GALNT17: variants seen among roughly 807,000 people sequenced by gnomAD.
GALNT17 encodes polypeptide N-acetylgalactosaminyltransferase 17, also known as UDP-GalNAc:polypeptide N-acetylgalactosaminyltransferase-like 3.
GALNT17 carries 29 observed loss-of-function variants against 63.7 expected under a neutral mutation model. That is an observed-to-expected ratio of 0.46 (90% CI 0.34 to 0.62). The LOEUF (loss-of-function observed/expected upper bound fraction) is 0.62. GALNT17 is among the 20% of genes least tolerant of loss of function. GALNT17 has a pLI of 0.01. For synonymous variants in GALNT17, 305 were observed against 318.3 expected (o/e 0.96, Z 0.45); for missense variants, 603 against 799.6 (o/e 0.75, Z 2.97).
At chr7:71,440,937 T>C (rs1787055122) in intron 5 of GALNT17, among the ~76,000 whole-genome samples, 1 of 152,162 alleles carries the variant, frequency 6.6e-6, no homozygotes, top group Non-Finnish European at 1.5e-5. Context: ...TTTCTCCTCT[T>C]GTTTATGGAA....
At chr7:71,430,790 C>T (rs1786847420) in intron 5 of GALNT17, among the ~76,000 whole-genome samples, 1 of 151,836 alleles carries the variant, frequency 6.6e-6, no homozygotes, top group Admixed American at 6.6e-5. Context: ...TTTTTTCCTC[C>T]CTAAAGGAAT....
At chr7:71,634,824 A>G (rs1790506448) in intron 6 of GALNT17, among the ~76,000 whole-genome samples, 1 of 152,062 alleles carries the variant, frequency 6.6e-6, no homozygotes, top group Admixed American at 6.6e-5. Context: ...AGGCTGGACA[A>G]CTCGAAGCAG....
chr7:71,591,260 T>C (rs1351761898), intron 6 of GALNT17, among the ~76,000 whole-genome samples: 1 of 152,142 alleles, frequency 6.6e-6, no homozygotes, highest in African/African-American at 2.4e-5. Flanking sequence ...TTCACCATGT[T>C]GGCCAGGCTG....
chr7:71,205,084 G>T (rs1183550256), intron 1 of GALNT17, among the ~76,000 whole-genome samples: 1 of 150,642 alleles, frequency 6.6e-6, no homozygotes, highest in African/African-American at 2.4e-5. Context: ...TCAGTGTACA[G>T]ATCTTTTGTT....
At chr7:71,497,246 A>G (rs1788111243) in intron 5 of GALNT17, among the ~76,000 whole-genome samples, 1 of 152,350 alleles carries the variant, frequency 6.6e-6, no homozygotes, top group Non-Finnish European at 1.5e-5. Flanking sequence ...TAATGCTGCC[A>G]TAACACACAT....
In GALNT17 at chr7:71,145,298, G is replaced by A. The variant is rs149767263; in HGVS notation, c.238+12258G>A. 8.3e-4 allele frequency among the ~76,000 whole-genome samples: 127 copies of A among 152,176 alleles called. 2 individuals carry two copies. The East Asian group carries it at 0.018, about 21-fold the overall frequency. ...GGAATTATAATCTTGTAATAGGATC[G>A]CAGCCTGGCAACAAAGCGAGACTCC... is the stretch of plus-strand genomic sequence containing the variant. On this transcript the variant is annotated intron_variant, in intron 1 of 10. Coordinates refer to ENST00000333538, the MANE Select transcript of GALNT17 (RefSeq NM_022479.3).
At chr7:71,175,218 C>T (rs888832416) in intron 1 of GALNT17, among the ~76,000 whole-genome samples, 2 of 152,092 alleles carry the variant, frequency 1.3e-5, no homozygotes, top group African/African-American at 4.8e-5. Context: ...CCATCCATCC[C>T]TCCATCACTG....
At chr7:71,291,360 A>G (rs1790976746) in intron 1 of GALNT17, among the ~76,000 whole-genome samples, 2 of 152,152 alleles carry the variant, frequency 1.3e-5, no homozygotes, top group South Asian at 2.1e-4. Flanking sequence ...TTACATTCCT[A>G]TTCTTCCAGA....
At chr7:71,183,777 A>G (rs1053732415) in intron 1 of GALNT17, among the ~76,000 whole-genome samples, 2 of 152,150 alleles carry the variant, frequency 1.3e-5, no homozygotes, top group Admixed American at 1.3e-4. Context: ...GGGTGCCTGT[A>G]ATCCCAGCTA....
intron 1 of GALNT17, chr7:71,307,834 A>C (rs187134230): frequency 7.3e-5 from 11 of 149,788 alleles, no homozygotes; most frequent in Admixed American, 5.3e-4. Context: ...TGAGTGAAGC[A>C]TTTTTTTTTT....
At chr7:71,486,378 ATAATAATAATAG>A (rs1262345226) in intron 5 of GALNT17, among the ~76,000 whole-genome samples, 1 of 124,930 alleles carries the variant, frequency 8.0e-6, no homozygotes, top group African/African-American at 3.0e-5. Context: ...AATAATAATA[ATAATAATAATAG>A]TAAATAATAT....
intron 9 of GALNT17, among the ~76,000 whole-genome samples, chr7:71,692,441 G>A (rs1031110158): frequency 6.6e-6 from 1 of 152,080 alleles, no homozygotes; most frequent in African/African-American, 2.4e-5. Context: ...GACAAGGAGG[G>A]GGACGTAAAG....
intron 5 of GALNT17, among the ~76,000 whole-genome samples, chr7:71,503,011 C>T (rs1265364273): frequency 1.3e-5 from 2 of 152,038 alleles, no homozygotes; most frequent in African/African-American, 4.8e-5. Flanking sequence ...GATCACCCAC[C>T]CTGAAATACT....
chr7:71,662,318 T>TTATCTATCTATC (rs35082867), intron 6 of GALNT17, among the ~76,000 whole-genome samples: 9,778 of 151,008 alleles, frequency 0.065, 1,032 homozygotes, highest in East Asian at 0.51. Flanking sequence ...ATCTCTCTGT[T>TTATCTATCTATC]TATCTATCTA....
At chr7:71,247,846 C>CT (rs1473434740) in intron 1 of GALNT17, among the ~76,000 whole-genome samples, 10 of 152,156 alleles carry the variant, frequency 6.6e-5, no homozygotes, top group African/African-American at 2.4e-4. Context: ...ATATCATATT[C>CT]TTACAATAAA....
At chr7:71,456,212 C>T (rs1214652580) in intron 5 of GALNT17, among the ~76,000 whole-genome samples, 8 of 151,918 alleles carry the variant, frequency 5.3e-5, no homozygotes, top group African/African-American at 1.7e-4. Flanking sequence ...CACCACTGCA[C>T]GCCAGCCTTG....
chr7:71,711,096 G>A (rs1231722073), intron 10 of GALNT17, among the ~76,000 whole-genome samples, 168 bp downstream of exon 10: 2 of 152,182 alleles, frequency 1.3e-5, no homozygotes, highest in Non-Finnish European at 2.9e-5. Context: ...GGGGGCAGCT[G>A]TGGAGTTTCT....
intron 1 of GALNT17, among the ~76,000 whole-genome samples, chr7:71,215,102 A>G (rs1789453530): frequency 6.6e-6 from 1 of 152,126 alleles, no homozygotes; most frequent in Admixed American, 6.5e-5. Flanking sequence ...TGTAACCTTG[A>G]TTGATTTTGA....
chr7:71,271,056 G>A (rs1790579771), intron 1 of GALNT17, among the ~76,000 whole-genome samples: 1 of 152,112 alleles, frequency 6.6e-6, no homozygotes, highest in African/African-American at 2.4e-5. Flanking sequence ...GTTTCATACG[G>A]GATAGTGTTA....
Sources: allele counts gnomAD v4.1 joint callset (sites outside exome capture counted in the v4.1 genomes callset), GRCh38; gene constraint gnomAD v4.1.1; transcripts MANE v1.5; gene names NCBI Gene and HGNC (gene_info 2026-07-23, HGNC 2026-07-21).